GRM1: variants seen among roughly 807,000 people sequenced by gnomAD.
The protein encoded by GRM1 is metabotropic glutamate receptor 1.
In GRM1, 33 loss-of-function variants were observed where a neutral mutation model predicts 90.9. The observed-to-expected ratio is 0.36, with a 90% confidence interval of 0.28 to 0.49. The LOEUF is 0.49. Ranked by LOEUF, GRM1 falls within the 20% of genes least tolerant of loss-of-function variation. The pLI is 0.99. For missense variants in GRM1, 1,190 were observed against 1,534.3 expected (o/e 0.78, Z 3.75); for synonymous variants, 700 against 613.2 (o/e 1.14, Z -2.09).
chr6:146,292,901 G>A lies in GRM1; in HGVS notation c.951-11710G>A, dbSNP rs148456162. On this transcript the variant is annotated intron_variant, in intron 2 of 7. Transcript: ENST00000282753. Reference sequence around the variant, plus strand: ...CAGCAGACCAATGGATAAACAAATCGTAGTATACTGATACGATGTAATACT... The same window carrying A: ...CAGCAGACCAATGGATAAACAAATCATAGTATACTGATACGATGTAATACT... 4.9e-3 allele frequency among the ~76,000 whole-genome samples: 748 copies of A among 152,032 alleles called. 3 individuals are homozygous for A. The highest frequency in any genetic ancestry group is 0.017 in the African/African-American group (698 of 41,520).
chr6:146,187,102 C>A (rs1778762109), intron 2 of GRM1, among the ~76,000 whole-genome samples: 1 of 152,088 alleles, frequency 6.6e-6, no homozygotes, highest in South Asian at 2.1e-4. Flanking sequence ...TTAAAGACTA[C>A]CCTGCTTCTT....
chr6:146,217,513 GGT>G (rs1779914033), intron 2 of GRM1, among the ~76,000 whole-genome samples: 1 of 152,132 alleles, frequency 6.6e-6, no homozygotes, highest in African/African-American at 2.4e-5. Context: ...TGTCTTGAAA[GGT>G]CTCTAATATT....
In GRM1 at chr6:146,344,368, C is replaced by T. The variant is rs148731313; in HGVS notation, c.1187-7882C>T. Among the ~76,000 whole-genome samples, 236 of 152,308 alleles carry T rather than the reference C, an allele frequency of 1.5e-3. 1 individual carries two copies. The highest frequency in any genetic ancestry group is 5.5e-3 in the African/African-American group (227 of 41,570). On this transcript the variant is annotated intron_variant, in intron 3 of 7. Coordinates refer to ENST00000282753, the MANE Select transcript of GRM1 (RefSeq NM_001278064.2). The stretch of plus-strand genomic sequence containing the variant: ...ACTGTGACCTCTCAAGGTGATCCTT[C>T]TTATTGTAGAATCTGTATTTGTCGT...
At chr6:146,155,199 A>G (rs573161972) in intron 1 of GRM1, among the ~76,000 whole-genome samples, 13 of 152,362 alleles carry the variant, frequency 8.5e-5, no homozygotes, top group Non-Finnish European at 1.9e-4. Context: ...ACCAGTAATG[A>G]CATTTTGGGA....
At chr6:146,366,213 G>A (rs1426724037) in intron 5 of GRM1, among the ~76,000 whole-genome samples, 1 of 152,046 alleles carries the variant, frequency 6.6e-6, no homozygotes, top group Non-Finnish European at 1.5e-5. Flanking sequence ...CATTTTTATT[G>A]ACACATAATA....
intron 1 of GRM1, among the ~76,000 whole-genome samples, chr6:146,030,829 A>G (rs968105725): frequency 6.6e-6 from 1 of 152,166 alleles, no homozygotes; most frequent in Admixed American, 6.5e-5. Context: ...AAGTAATTTA[A>G]ATAATGTATT....
chr6:146,141,478 A>G (rs950894202), intron 1 of GRM1, among the ~76,000 whole-genome samples: 16 of 152,220 alleles, frequency 1.1e-4, no homozygotes, highest in South Asian at 2.1e-4. Flanking sequence ...AACTTTCTAC[A>G]CATATCTCTT....
intron 1 of GRM1, among the ~76,000 whole-genome samples, chr6:146,141,568 A>C (rs938678731): frequency 6.6e-6 from 1 of 151,944 alleles, no homozygotes; most frequent in African/African-American, 2.4e-5. Flanking sequence ...GGCATGCTTC[A>C]TTGTTTTTTA....
chr6:146,142,650 G>A (rs964181076), intron 1 of GRM1, among the ~76,000 whole-genome samples: 1 of 141,914 alleles, frequency 7.0e-6, no homozygotes, highest in Non-Finnish European at 1.5e-5. Context: ...TCCACAAGCA[G>A]AGGCGTTTCT....
chr6:146,159,624 C>CTG, intron 2 of GRM1, 27 bp downstream of exon 2: 1 of 1,513,890 alleles, frequency 6.6e-7, no homozygotes, highest in Non-Finnish European at 9.1e-7. Flanking sequence ...CTCTCTCTCT[C>CTG]TCTCTCTCTC....
chr6:146,219,304 CTTG>C (rs1779976447), intron 2 of GRM1, among the ~76,000 whole-genome samples: 1 of 152,108 alleles, frequency 6.6e-6, no homozygotes, highest in Non-Finnish European at 1.5e-5. Context: ...TGTGAGAAAG[CTTG>C]TTGAGAAGAG....
chr6:146,081,995 G>A lies in GRM1; in HGVS notation c.700+51778G>A, dbSNP rs1400600605. On this transcript the variant is annotated intron_variant, in intron 1 of 7. Coordinates refer to ENST00000282753, the MANE Select transcript of GRM1 (RefSeq NM_001278064.2). ...AGCGAGTAGAGACGGGGAAGTTAAAGTTAGTTCTTAGGAAGAACATATGCT... is the reference window on the plus strand; with the variant it reads ...AGCGAGTAGAGACGGGGAAGTTAAAATTAGTTCTTAGGAAGAACATATGCT... 2.0e-5 allele frequency among the ~76,000 whole-genome samples: 3 copies of A among 152,184 alleles called. No individual in the cohort carries two copies. The East Asian group carries it at 5.8e-4, about 29-fold the overall frequency.
chr6:146,228,617 A>C (rs1046747311), intron 2 of GRM1, among the ~76,000 whole-genome samples: 1 of 152,132 alleles, frequency 6.6e-6, no homozygotes, highest in African/African-American at 2.4e-5. Context: ...GACAGTTGTA[A>C]CTCTGAAGGA....
intron 7 of GRM1, among the ~76,000 whole-genome samples, chr6:146,405,660 A>G (rs971882099): frequency 1.3e-5 from 2 of 152,122 alleles, no homozygotes; most frequent in African/African-American, 4.8e-5. Flanking sequence ...GGATATAGAT[A>G]GCAATGATAG....
chr6:146,167,529 T>A (rs1777953270), intron 2 of GRM1, among the ~76,000 whole-genome samples: 1 of 152,178 alleles, frequency 6.6e-6, no homozygotes, highest in Admixed American at 6.6e-5. Context: ...GAGTTCTAAT[T>A]CCTCCACATC....
intron 2 of GRM1, among the ~76,000 whole-genome samples, chr6:146,218,915 A>G (rs1414083348): frequency 6.6e-6 from 1 of 152,160 alleles, no homozygotes; most frequent in African/African-American, 2.4e-5. Context: ...CCACCATTAA[A>G]TCTGTTCTCT....
intron 2 of GRM1, 54 bp from the exon 3 acceptor site, chr6:146,304,557 A>G: frequency 8.4e-7 from 1 of 1,189,192 alleles, no homozygotes; most frequent in Non-Finnish European, 1.2e-6. Context: ...TCTGAGCTCT[A>G]TTTGTGAGAT....
chr6:146,379,237 A>T (rs1289107508), intron 5 of GRM1, among the ~76,000 whole-genome samples: 1 of 151,652 alleles, frequency 6.6e-6, no homozygotes, highest in Non-Finnish European at 1.5e-5. Flanking sequence ...GCTATTTACT[A>T]GTTTCTGTAG....
At chr6:146,227,201 A>G (rs1048415487) in intron 2 of GRM1, among the ~76,000 whole-genome samples, 3 of 152,114 alleles carry the variant, frequency 2.0e-5, no homozygotes, top group African/African-American at 4.8e-5. Flanking sequence ...TATATGTAGT[A>G]TATAACGTGT....
Sources: gnomAD v4.1 joint callset for allele counts (sites outside exome capture counted in the v4.1 genomes callset) on GRCh38, gnomAD v4.1.1 for gene constraint, MANE v1.5 for transcripts, NCBI Gene and HGNC (gene_info 2026-07-23, HGNC 2026-07-21) for gene names.